Variants in CD82 observed in about 807,000 individuals in gnomAD.
CD82 encodes the protein CD82 antigen.
In CD82, 36 loss-of-function variants were observed where a neutral mutation model predicts 37.4. The observed-to-expected ratio is 0.96, with a 90% confidence interval of 0.74 to 1.27. CD82 has a LOEUF of 1.27. CD82 is among the 50% of genes most tolerant of loss of function. The pLI, the probability that CD82 is intolerant of heterozygous loss-of-function variation, is 0.00. For missense variants in CD82, 340 were observed against 347.0 expected (o/e 0.98, Z 0.16); for synonymous variants, 158 against 137.4 (o/e 1.15, Z -1.05).
chr11:44,586,660 C>T (rs1177540595), intron 1 of CD82, among the ~76,000 whole-genome samples: 1 of 152,102 alleles, frequency 6.6e-6, no homozygotes, highest in East Asian at 1.9e-4. Flanking sequence ...GGTCCTGTCT[C>T]AACAAATATA....
At chr11:44,586,025 T>C (rs1853049543) in intron 1 of CD82, among the ~76,000 whole-genome samples, 1 of 152,176 alleles carries the variant, frequency 6.6e-6, no homozygotes. Context: ...CAGGCGCTGC[T>C]GTACCAGAAA....
chr11:44,605,371 T>G lies in CD82; in HGVS notation c.278T>G (p.Leu93Arg). The G allele has an allele frequency of 6.2e-7, 1 of 1,614,228 alleles. No individual in the cohort carries two copies. Among genetic ancestry groups the G allele is most frequent in the Non-Finnish European group, 8.5e-7 (1 of 1,180,040 alleles). ...CLLGLYFAFL[L>R]LILIAQVTAG... ...TGTCCCCAGTACTTTGCTTTCCTGC[T>G]CCTGATCCTCATTGCCCAGGTGACG... The change falls in exon 6 of 10, where the codon CTC becomes CGC. Residue 93 changes from leucine (L) to arginine (R), a missense_variant. Coordinates refer to ENST00000227155, the MANE Select transcript of CD82 (RefSeq NM_002231.4).
At chr11:44,569,433 G>A (rs1852784053) in intron 1 of CD82, among the ~76,000 whole-genome samples, 1 of 152,194 alleles carries the variant, frequency 6.6e-6, no homozygotes, top group Non-Finnish European at 1.5e-5. Flanking sequence ...CCTGTGTTCT[G>A]GTCCTTGGAG....
At position 44,577,206 on chromosome 11, in the gene CD82, A is replaced by G. The variant is rs566238447; in HGVS notation, c.-102-10269A>G. 3.9e-5 allele frequency among the ~76,000 whole-genome samples: 6 copies of G among 152,322 alleles called. No individual in the cohort carries two copies. The East Asian group carries it at 1.2e-3, about 29-fold the overall frequency. On this transcript the variant is annotated intron_variant, in intron 1 of 9. Transcript: ENST00000227155. Reference sequence around the variant, plus strand: ...CTGTGGGGAAGGAGGGGTTCAGCCCAGGTTTTCCTCCCAGCTCGGCTGCTT... The same window carrying G: ...CTGTGGGGAAGGAGGGGTTCAGCCCGGGTTTTCCTCCCAGCTCGGCTGCTT...
rs907829312 is a variant in CD82, at chr11:44,615,346, G to A, written c.411G>A (p.Gln137=). 1.5e-5 allele frequency: 25 copies of A among 1,612,988 alleles called. No individual in the cohort carries two copies. The highest frequency in any genetic ancestry group is 2.0e-5 in the Non-Finnish European group (23 of 1,179,070). The stretch of plus-strand genomic sequence containing the variant: ...ACAGCAGTCGCGAGGACAGCCTGCA[G>A]GATGCCTGGGACTACGTGCAGGCTC... ...DYNSSREDSL[Q]DAWDYVQAQV... is the part of the protein sequence containing the mutation. Residue 137 remains glutamine (Q), a synonymous_variant, in exon 7 of 10, where the codon CAG becomes CAA. Coordinates refer to ENST00000227155, the MANE Select transcript of CD82 (RefSeq NM_002231.4).
chr11:44,607,149 C>T lies in CD82; in HGVS notation c.336+1720C>T, dbSNP rs529318085. On this transcript the variant is annotated intron_variant, in intron 6 of 9. Transcript: ENST00000227155. ...ACTTGAAGGTCAAGTTGCCTGAGAT[C>T]CCTCTTGGAAGGAAACTGAGAAAAC... Among the ~76,000 whole-genome samples the T allele has an allele frequency of 4.6e-5, 7 of 152,368 alleles. No homozygotes were observed. The South Asian group carries it at 1.0e-3, about 23-fold the overall frequency.
At chr11:44,579,130 G>A (rs533752892) in intron 1 of CD82, among the ~76,000 whole-genome samples, 17 of 152,278 alleles carry the variant, frequency 1.1e-4, no homozygotes, top group Admixed American at 1.0e-3. Context: ...ATCACATTTG[G>A]TGGGGTAACA....
At chr11:44,600,753 G>C (rs1853296521) in intron 4 of CD82, among the ~76,000 whole-genome samples, 5 of 152,204 alleles carry the variant, frequency 3.3e-5, no homozygotes, top group Admixed American at 3.3e-4. Context: ...GTGCCAGGCA[G>C]TTTGCACCGA....
intron 1 of CD82, among the ~76,000 whole-genome samples, chr11:44,575,576 A>G (rs1405083424): frequency 6.6e-6 from 1 of 152,208 alleles, no homozygotes; most frequent in African/African-American, 2.4e-5. Flanking sequence ...ACACGTTCCC[A>G]GGGGACGCTG....
intron 2 of CD82, among the ~76,000 whole-genome samples, chr11:44,590,308 T>C (rs186792772): frequency 1.3e-5 from 2 of 152,022 alleles, no homozygotes; most frequent in Non-Finnish European, 2.9e-5. Flanking sequence ...CTTTTAACTA[T>C]TTAAAAATAT....
chr11:44,593,665 C>T (rs1853177611), intron 2 of CD82, among the ~76,000 whole-genome samples: 1 of 152,146 alleles, frequency 6.6e-6, no homozygotes, highest in Non-Finnish European at 1.5e-5. Flanking sequence ...CCTGTGTGTC[C>T]AATCTTAGAG....
At chr11:44,611,395 C>G (rs1853478999) in intron 6 of CD82, among the ~76,000 whole-genome samples, 1 of 152,232 alleles carries the variant, frequency 6.6e-6, no homozygotes, top group Non-Finnish European at 1.5e-5. Context: ...AGGTCCTCAT[C>G]CTACCACATT....
chr11:44,607,785 A>G (rs1309897399), intron 6 of CD82, among the ~76,000 whole-genome samples: 1 of 152,248 alleles, frequency 6.6e-6, no homozygotes, highest in African/African-American at 2.4e-5. Context: ...CTTGGAGTCC[A>G]AGGCCCATGC....
chr11:44,584,644 C>T (rs772657006), intron 1 of CD82, among the ~76,000 whole-genome samples: 15 of 152,064 alleles, frequency 9.9e-5, no homozygotes, highest in Non-Finnish European at 2.1e-4. Context: ...GCTCACTCTT[C>T]TCCTGTCACC....
chr11:44,617,004 A>G (rs1251713074), intron 7 of CD82, among the ~76,000 whole-genome samples: 2 of 152,192 alleles, frequency 1.3e-5, no homozygotes, highest in Admixed American at 6.5e-5. Flanking sequence ...AACCTGGATT[A>G]GAAACTGCCT....
intron 1 of CD82, among the ~76,000 whole-genome samples, chr11:44,577,422 C>T (rs1224568780): frequency 6.6e-6 from 1 of 152,160 alleles, no homozygotes; most frequent in Admixed American, 6.5e-5. Context: ...GCCAAGCCGA[C>T]TCAACTCTCT....
intron 1 of CD82, among the ~76,000 whole-genome samples, chr11:44,579,973 A>G (rs1852957386): frequency 1.3e-5 from 2 of 152,184 alleles, no homozygotes; most frequent in Admixed American, 1.3e-4. Context: ...TCACAGAAAC[A>G]GGGAGTGACA....
intron 3 of CD82, among the ~76,000 whole-genome samples, chr11:44,599,287 G>A (rs1853273577): frequency 6.6e-6 from 1 of 152,196 alleles, no homozygotes; most frequent in Non-Finnish European, 1.5e-5. Flanking sequence ...GGGACTACAG[G>A]CATGCACCAC....
chr11:44,607,004 C>G (rs1395744878), intron 6 of CD82: 1 of 152,278 alleles, frequency 6.6e-6, no homozygotes, highest in African/African-American at 2.4e-5. Flanking sequence ...GTCCCCAGAC[C>G]CTGCTGCACA....
Sources: gnomAD v4.1 joint callset for allele counts (sites outside exome capture counted in the v4.1 genomes callset) on GRCh38, gnomAD v4.1.1 for gene constraint, MANE v1.5 for transcripts, NCBI Gene and HGNC (gene_info 2026-07-23, HGNC 2026-07-21) for gene names.